GRIPAP1: variants seen among roughly 807,000 people sequenced by gnomAD.
The protein encoded by GRIPAP1 is GRIP1-associated protein 1.
In GRIPAP1, 14 loss-of-function variants were observed where a neutral mutation model predicts 84.1. The observed-to-expected ratio is 0.17, with a 90% CI of 0.11 to 0.26. The LOEUF is 0.26. Among genes scored for constraint, GRIPAP1 ranks in the 10% least tolerant of loss-of-function variants. The pLI is 1.00. For synonymous variants in GRIPAP1, 261 were observed against 256.8 expected (o/e 1.02, Z -0.15); for missense variants, 518 against 674.2 (o/e 0.77, Z 2.57).
chrX:48,985,439 G>A, intron 13 of GRIPAP1, 37 bp from the exon 14 acceptor site: 1 of 1,169,992 alleles, frequency 8.5e-7, no homozygotes, highest in Non-Finnish European at 1.2e-6. Flanking sequence ...TAGAGTGAAA[G>A]GGACCCCAGG....
At chrX:48,975,466 T>G in intron 24 of GRIPAP1, 157 bp from the exon 25 acceptor site, 2 of 460,046 alleles carry the variant, frequency 4.3e-6, no homozygotes, top group Non-Finnish European at 7.2e-6. Context: ...AACCTAGCTC[T>G]GTCACTCACT....
chrX:48,976,438 G>A (rs1464379257), intron 22 of GRIPAP1, 75 bp from the exon 23 acceptor site: 1 of 1,108,166 alleles, frequency 9.0e-7, no homozygotes, highest in African/African-American at 1.8e-5. Flanking sequence ...AGGGACTGGG[G>A]AGGAGAACCA....
chrX:48,990,897 C>A, intron 7 of GRIPAP1, 29 bp downstream of exon 7: 1 of 1,108,557 alleles, frequency 9.0e-7, no homozygotes, highest in South Asian at 2.1e-5. Flanking sequence ...TGCCTTCTGG[C>A]ATTCCAGCTC....
chrX:48,992,226 G>C (rs782097770), intron 6 of GRIPAP1, among the ~76,000 whole-genome samples: 2 of 112,174 alleles, frequency 1.8e-5, no homozygotes, highest in Non-Finnish European at 3.8e-5. Flanking sequence ...GGCTGGTCTT[G>C]AACTCCTGAC....
Position 48,981,805 on chromosome X carries a change from G to C in GRIPAP1, c.1667C>G (p.Ala556Gly), listed in dbSNP as rs2147735818. The C allele has an allele frequency of 6.0e-6, 7 of 1,175,521 alleles. No individual in the cohort carries two copies. The highest frequency in any genetic ancestry group is 6.9e-6 in the Non-Finnish European group (6 of 873,327). The change falls in exon 18 of 26, where the codon GCC becomes GGC. Residue 556 changes from alanine (A) to glycine (G), a missense_variant. Ala to Gly is a moderately conservative substitution (Grantham distance 60). Coordinates refer to ENST00000376423, the MANE Select transcript of GRIPAP1 (RefSeq NM_020137.5). ...TCATGCGAGAGGCACCTTCAGCTCG[G>C]CAGCGTGCTGCTCCCGACACTGCTT... ...ALKQCREQHAAELKGKEEELQ... is the reference protein window; with the variant it reads ...ALKQCREQHAGELKGKEEELQ...
intron 5 of GRIPAP1, among the ~76,000 whole-genome samples, chrX:48,996,870 AG>A (rs1372983289): frequency 1.8e-5 from 2 of 111,541 alleles, no homozygotes; most frequent in African/African-American, 6.5e-5. Flanking sequence ...TCAGATGAAG[AG>A]AAGAAAGAGA....
intron 25 of GRIPAP1, 119 bp downstream of exon 25, chrX:48,975,036 T>C (rs1465280134): frequency 3.6e-6 from 2 of 559,774 alleles, no homozygotes; most frequent in Non-Finnish European, 5.7e-6. Context: ...GGTAGGAGGA[T>C]AGCTGGGAGG....
rs1419453663 is a variant in GRIPAP1, at chrX:48,992,649, T to C, written c.457+779A>G. 2.7e-5 allele frequency among the ~76,000 whole-genome samples: 3 copies of C among 111,061 alleles called. No homozygotes were observed. The Admixed American group carries it at 2.9e-4, about 11-fold the overall frequency. ...CTCACATTCTACTAAGTCTCCCTCC[T>C]GGTCATGGAACCAGCATCCATCACC... is the stretch of plus-strand genomic sequence containing the variant. On this transcript the variant is annotated intron_variant, in intron 6 of 25. Transcript: ENST00000376423.
chrX:48,981,780 T>A lies in GRIPAP1; in HGVS notation c.1677+15A>T. 1 of 1,179,018 alleles carries A rather than the reference T, an allele frequency of 8.5e-7. No homozygotes were observed. Among genetic ancestry groups the A allele is most frequent in the Non-Finnish European group, 1.1e-6 (1 of 871,309 alleles). ...TCACTGTCTGGAGAGAGGAACACCA[T>A]CATGCGAGAGGCACCTTCAGCTCGG... On this transcript the variant is annotated intron_variant, in intron 18 of 25. Coordinates refer to ENST00000376423, the MANE Select transcript of GRIPAP1 (RefSeq NM_020137.5).
intron 3 of GRIPAP1, 85 bp downstream of exon 3, chrX:48,999,153 T>G (rs2064562688): frequency 1.6e-6 from 1 of 630,727 alleles, no homozygotes; most frequent in African/African-American, 2.2e-5. Flanking sequence ...TGGTTCACTG[T>G]AGGTGCTCAC....
chrX:49,002,142 G>A (rs1557068746), intron 1 of GRIPAP1, 46 bp downstream of exon 1: 3 of 915,685 alleles, frequency 3.3e-6, no homozygotes, highest in South Asian at 2.2e-5. Flanking sequence ...TCGCTACCCC[G>A]CCCCCGGTCG....
In GRIPAP1 at chrX:48,988,118, T is replaced by C; in HGVS notation, c.948+3A>G. 10 of 1,187,023 alleles carry C rather than the reference T, an allele frequency of 8.4e-6. No individual in the cohort carries two copies. The highest frequency in any genetic ancestry group is 1.1e-5 in the Non-Finnish European group (10 of 878,698). On this transcript the variant is annotated splice_donor_region_variant and intron_variant, in intron 12 of 25. Coordinates refer to ENST00000376423, the MANE Select transcript of GRIPAP1 (RefSeq NM_020137.5). Reference sequence around the variant, plus strand: ...CTCCCTGAGCCCACGCAGTACAATATACCTGATCTTGTAGGGCCCGCAAAG... The same window carrying C: ...CTCCCTGAGCCCACGCAGTACAATACACCTGATCTTGTAGGGCCCGCAAAG...
Position 48,983,434 on chromosome X carries a change from C to T in GRIPAP1, c.1279G>A (p.Glu427Lys). The T allele has an allele frequency of 8.3e-7, 1 of 1,208,093 alleles. No individual in the cohort carries two copies. The highest frequency in any genetic ancestry group is 1.1e-6 in the Non-Finnish European group (1 of 892,266). The change falls in exon 16 of 26, where the codon GAG becomes AAG. Residue 427 changes from glutamate to lysine, a missense_variant. Coordinates refer to ENST00000376423, the MANE Select transcript of GRIPAP1 (RefSeq NM_020137.5). ...QELQEARKSA[E>K]KRKAMLDELA... ...TCATCCAGCATGGCCTTCCGCTTCT[C>T]CGCACTCTGGGGGCCAGGACGATGG...
intron 23 of GRIPAP1, 30 bp from the exon 24 acceptor site, chrX:48,976,141 C>T: frequency 8.3e-7 from 1 of 1,205,583 alleles, no homozygotes; most frequent in Non-Finnish European, 1.1e-6. Flanking sequence ...ACCTGAGACC[C>T]CTCTACTGTA....
Position 48,993,949 on chromosome X carries a change from T to C in GRIPAP1, c.307-371A>G, listed in dbSNP as rs139182475. ...CCCTCTTCTGTGGAGGGCTGGATCC[T>C]GGGCCCAGAGATAGCTCCCTCTCAT... On this transcript the variant is annotated intron_variant, in intron 5 of 25. Coordinates refer to ENST00000376423, the MANE Select transcript of GRIPAP1 (RefSeq NM_020137.5). Among the ~76,000 whole-genome samples the C allele has an allele frequency of 2.4e-3, 267 of 111,221 alleles. 6 individuals carry two copies. Among genetic ancestry groups the C allele is most frequent in the East Asian group, 0.022 (77 of 3,513 alleles).
Position 48,991,159 on chromosome X carries a change from C to G in GRIPAP1, c.458-49G>C, listed in dbSNP as rs781843079. The G allele has an allele frequency of 1.9e-5, 18 of 935,073 alleles. No individual in the cohort carries two copies. In the East Asian group the frequency reaches 3.4e-4, roughly 18 times the overall value. 77.1% of individuals were successfully genotyped at this position (935,073 alleles called of 1,213,427 possible). On this transcript the variant is annotated intron_variant, in intron 6 of 25. Transcript: ENST00000376423. ...TGATGGATGAGGTGGTCTCTGAAGTCCCTTGCCATGCCTCGAATAGAGGGA... is the reference window on the plus strand; with the variant it reads ...TGATGGATGAGGTGGTCTCTGAAGTGCCTTGCCATGCCTCGAATAGAGGGA...
In GRIPAP1 at chrX:48,981,403, C is replaced by T. The variant is rs2064456070; in HGVS notation, c.1830+13G>A. On this transcript the variant is annotated intron_variant, in intron 20 of 25. Coordinates refer to ENST00000376423, the MANE Select transcript of GRIPAP1 (RefSeq NM_020137.5). ...GTAGGAGGGAGCCGTGCTTGGGCAC[C>T]GCTCTGTCTTACCGCAGCACTGCCC... The T allele has an allele frequency of 3.3e-6, 4 of 1,206,752 alleles. No homozygotes were observed. Among genetic ancestry groups the T allele is most frequent in the Non-Finnish European group, 4.5e-6 (4 of 891,884 alleles).
rs2064511475 is a variant in GRIPAP1 at position 48,989,997 on chromosome X, C to T, written c.697G>A (p.Glu233Lys). Residue 233 changes from glutamate (E) to lysine (K), a missense_variant, in exon 9 of 26, where the codon GAG becomes AAG. Glu to Lys is a moderately conservative substitution (Grantham distance 56). Coordinates refer to ENST00000376423, the MANE Select transcript of GRIPAP1 (RefSeq NM_020137.5). Reference sequence around the variant, plus strand: ...CTTTCTTGTTTCTTTTTCAGTTTCTCGGAGAGCTGGGGAGAGAGGTACAGA... The same window carrying T: ...CTTTCTTGTTTCTTTTTCAGTTTCTTGGAGAGCTGGGGAGAGAGGTACAGA... ...RLQEELAKLS[E>K]KLKKKQESFC... The T allele has an allele frequency of 8.4e-7, 1 of 1,192,339 alleles. No homozygotes were observed. Among genetic ancestry groups the T allele is most frequent in the South Asian group, 1.8e-5 (1 of 55,552 alleles).
intron 11 of GRIPAP1, among the ~76,000 whole-genome samples, chrX:48,988,989 C>T (rs1175607131): frequency 9.0e-6 from 1 of 111,135 alleles, no homozygotes; most frequent in Non-Finnish European, 1.9e-5. Flanking sequence ...GCCTCAGACC[C>T]ACCTAAACTT....
Sources: allele counts gnomAD v4.1 joint callset (sites outside exome capture counted in the v4.1 genomes callset), GRCh38; gene constraint gnomAD v4.1.1; transcripts MANE v1.5; gene names NCBI Gene and HGNC (gene_info 2026-07-23, HGNC 2026-07-21).